KSR1: variants seen among roughly 807,000 people sequenced by gnomAD.
KSR1 encodes kinase suppressor of ras.
In KSR1, 35 loss-of-function variants were observed where a neutral mutation model predicts 92.9. The ratio of observed to expected loss-of-function variants is 0.38; its 90% CI spans 0.29 to 0.50. KSR1 has a LOEUF of 0.50. Ranked by LOEUF, KSR1 falls within the 20% of genes least tolerant of loss-of-function variation. The probability of loss-of-function intolerance (pLI) is 0.94; values close to 1 mark genes in which losing one functional copy is unlikely to be tolerated. For synonymous variants in KSR1, 467 were observed against 472.6 expected (o/e 0.99, Z 0.15); for missense variants, 972 against 1,158.5 (o/e 0.84, Z 2.34).
In KSR1 at chr17:27,456,494, G is replaced by C. The variant is rs2019163441; in HGVS notation, c.-150G>C. On this transcript the variant is annotated 5_prime_UTR_variant, in exon 1 of 21. Coordinates refer to ENST00000644974, the MANE Select transcript of KSR1 (RefSeq NM_001394583.1). ...CTGCCGCGGCTGGGAGGGTGGAAGCGGCAGACTCAGCGGCCGGCTCTACCG... is the reference window on the plus strand; with the variant it reads ...CTGCCGCGGCTGGGAGGGTGGAAGCCGCAGACTCAGCGGCCGGCTCTACCG... 2.5e-6 allele frequency: 1 copy of C among 395,312 alleles called. No individual in the cohort carries two copies. The highest frequency in any genetic ancestry group is 4.4e-6 in the Non-Finnish European group (1 of 226,028). 24.5% of individuals were successfully genotyped at this position (395,312 alleles called of 1,614,324 possible). A position where few individuals can be genotyped will look rare whatever the true frequency, so the allele number is the denominator to read the frequency against.
rs550436259 is a variant in KSR1 at position 27,573,633 on chromosome 17, C to T, written c.373-3859C>T. On this transcript the variant is annotated intron_variant, in intron 2 of 20. Coordinates refer to ENST00000644974, the MANE Select transcript of KSR1 (RefSeq NM_001394583.1). Reference sequence around the variant, plus strand: ...AAAGTAGGTAGAAATTAATTTACTTCGAAAAAAATAATTTCCCCTGAAAGG... The same window carrying T: ...AAAGTAGGTAGAAATTAATTTACTTTGAAAAAAATAATTTCCCCTGAAAGG... Among the ~76,000 whole-genome samples, 395 of 152,250 alleles carry T rather than the reference C, an allele frequency of 2.6e-3. 2 individuals carry two copies. Among genetic ancestry groups the T allele is most frequent in the South Asian group, 9.7e-3 (47 of 4,824 alleles).
At chr17:27,536,812 G>A (rs1038018798) in intron 1 of KSR1, among the ~76,000 whole-genome samples, 4 of 152,246 alleles carry the variant, frequency 2.6e-5, no homozygotes, top group African/African-American at 9.6e-5. Context: ...ACTCATTATG[G>A]TCTCTTCATC....
At chr17:27,551,304 G>A (rs925878300) in intron 2 of KSR1, among the ~76,000 whole-genome samples, 1 of 152,078 alleles carries the variant, frequency 6.6e-6, no homozygotes, top group Non-Finnish European at 1.5e-5. Context: ...CAGCATACTC[G>A]GAGTGTGTAC....
chr17:27,598,941 T>C (rs2073446129), intron 10 of KSR1, among the ~76,000 whole-genome samples: 1 of 152,212 alleles, frequency 6.6e-6, no homozygotes, highest in Non-Finnish European at 1.5e-5. Flanking sequence ...CTCTGTGCTG[T>C]GCAGGGGCAT....
Position 27,577,460 on chromosome 17 carries a change from C to T in KSR1, c.373-32C>T. 2.2e-6 allele frequency: 3 copies of T among 1,366,654 alleles called. No individual in the cohort carries two copies. Among genetic ancestry groups the T allele is most frequent in the Middle Eastern group, 2.5e-4 (1 of 3,996 alleles). 84.7% of individuals were successfully genotyped at this position (1,366,654 alleles called of 1,614,324 possible). A position where few individuals can be genotyped will look rare whatever the true frequency, so the allele number is the denominator to read the frequency against. The stretch of plus-strand genomic sequence containing the variant: ...GGCTCCCGGCCCAGCCGACTGCTCA[C>T]CGCCTCTCTGCCTGTCCCTCTGTCC... On this transcript the variant is annotated intron_variant, in intron 2 of 20. Transcript: ENST00000644974. This position sits in a 1 kb window ranked among gnomAD's most constrained non-coding sequence, Gnocchi z 4.5.
intron 1 of KSR1, among the ~76,000 whole-genome samples, chr17:27,542,847 T>C (rs1033453790): frequency 1.3e-5 from 2 of 152,226 alleles, no homozygotes; most frequent in African/African-American, 4.8e-5. Flanking sequence ...GCATGTATTA[T>C]ATTTTCTCTG....
At chr17:27,607,668 G>T (rs138714319) in intron 14 of KSR1, among the ~76,000 whole-genome samples, 2 of 152,288 alleles carry the variant, frequency 1.3e-5, no homozygotes, top group East Asian at 3.9e-4. Flanking sequence ...TGTAGGATGG[G>T]CAGGCACTGG....
chr17:27,616,756 GT>G (rs2074068111), intron 18 of KSR1, among the ~76,000 whole-genome samples: 1 of 152,216 alleles, frequency 6.6e-6, no homozygotes, highest in African/African-American at 2.4e-5. Context: ...GATCCTGAGA[GT>G]AGGCAGCAAA....
chr17:27,609,898 C>G, intron 16 of KSR1, 169 bp from the exon 17 acceptor site: 1 of 741,514 alleles, frequency 1.3e-6, no homozygotes, highest in South Asian at 1.9e-5. Context: ...TAGAATTCCT[C>G]AAAAGCACCG....
Position 27,626,080 on chromosome 17 carries a change from G to A in KSR1, c.*2688G>A, listed in dbSNP as rs901882316. ...GGAATGGCAAGCCCTGGAAACCTGT[G>A]TTATTCTGTGTTGATTTGGTGTGGG... On this transcript the variant is annotated 3_prime_UTR_variant, in exon 21 of 21. Coordinates refer to ENST00000644974, the MANE Select transcript of KSR1 (RefSeq NM_001394583.1). The A allele has an allele frequency of 1.3e-5, 2 of 152,220 alleles. No individual in the cohort carries two copies. Among genetic ancestry groups the A allele is most frequent in the Non-Finnish European group, 2.9e-5 (2 of 68,058 alleles). The allele number at this position is 152,220 out of a possible 1,614,324, so 9.4% of individuals were successfully genotyped here. A position where few individuals can be genotyped will look rare whatever the true frequency, so the allele number is the denominator to read the frequency against.
At position 27,525,958 on chromosome 17, in the gene KSR1, A is replaced by G. The variant is rs188890148; in HGVS notation, c.232-24610A>G. Among the ~76,000 whole-genome samples the G allele has an allele frequency of 3.3e-3, 463 of 140,146 alleles. 2 individuals are homozygous for G. Among genetic ancestry groups the G allele is most frequent in the Admixed American group, 0.029 (415 of 14,076 alleles). 91.9% of individuals were successfully genotyped at this position (140,146 alleles called of 152,430 possible). A position where few individuals can be genotyped will look rare whatever the true frequency, so the allele number is the denominator to read the frequency against. ...GCGTGGAAGGTGGGGCCTTGCCCCT[A>G]TGGCATCCAGATCTGTTCGGTAACT... On this transcript the variant is annotated intron_variant, in intron 1 of 20. Transcript: ENST00000644974.
chr17:27,547,341 C>T (rs117533295), intron 1 of KSR1, among the ~76,000 whole-genome samples: 2,512 of 152,312 alleles, frequency 0.016, 32 homozygotes, highest in South Asian at 0.029. Context: ...GGGGGTCCAT[C>T]GATGAACGTA....
chr17:27,477,602 A>T (rs907639467), intron 1 of KSR1, among the ~76,000 whole-genome samples: 2 of 152,100 alleles, frequency 1.3e-5, no homozygotes, highest in African/African-American at 4.8e-5. Context: ...GAAAACGGTG[A>T]TGTATAGACC....
intron 1 of KSR1, among the ~76,000 whole-genome samples, chr17:27,485,441 G>A (rs949084350): frequency 6.6e-6 from 1 of 152,206 alleles, no homozygotes; most frequent in African/African-American, 2.4e-5. Context: ...GAAGTAACAG[G>A]CCTGACTGGC....
intron 1 of KSR1, among the ~76,000 whole-genome samples, chr17:27,470,904 C>A (rs377696760): frequency 3.3e-5 from 5 of 151,600 alleles, no homozygotes; most frequent in Admixed American, 3.3e-4. Context: ...AGAGACTCAC[C>A]CTGTCCCCCA....
intron 2 of KSR1, among the ~76,000 whole-genome samples, chr17:27,552,979 T>C (rs751331488): frequency 6.6e-6 from 1 of 152,184 alleles, no homozygotes; most frequent in Non-Finnish European, 1.5e-5. Context: ...TCAGTGGGTA[T>C]AGAAACTCAC....
At chr17:27,503,841 G>A (rs531096113) in intron 1 of KSR1, among the ~76,000 whole-genome samples, 1 of 152,262 alleles carries the variant, frequency 6.6e-6, no homozygotes, top group South Asian at 2.1e-4. Context: ...AAGGAGGTGC[G>A]GGTCGGAGCT....
At chr17:27,480,368 T>C (rs1315227097) in intron 1 of KSR1, among the ~76,000 whole-genome samples, 1 of 152,232 alleles carries the variant, frequency 6.6e-6, no homozygotes, top group Admixed American at 6.5e-5. Context: ...GATTTTTCTC[T>C]TTCATTCACT....
chr17:27,609,943 T>A, intron 16 of KSR1, 124 bp from the exon 17 acceptor site: 2 of 1,235,374 alleles, frequency 1.6e-6, no homozygotes, highest in Non-Finnish European at 2.3e-6. Flanking sequence ...GTGTTCTGGG[T>A]CTGGGTGTGT....
Sources: allele counts gnomAD v4.1 joint callset (sites outside exome capture counted in the v4.1 genomes callset), GRCh38; gene constraint gnomAD v4.1.1; non-coding constraint Gnocchi (gnomAD v3.1); transcripts MANE v1.5; gene names NCBI Gene and HGNC (gene_info 2026-07-23, HGNC 2026-07-21).